The following PREX1 variants were observed in gnomAD, a reference collection of about 807,000 sequenced individuals.
PREX1 encodes the protein phosphatidylinositol-3,4,5-trisphosphate dependent Rac exchange factor 1.
In PREX1, 41 loss-of-function variants were observed where a neutral mutation model predicts 198.3. The ratio of observed to expected loss-of-function variants is 0.21; its 90% confidence interval spans 0.16 to 0.27. The LOEUF (loss-of-function observed/expected upper bound fraction) is 0.27, where lower values mean the gene tolerates loss of function less well. Among genes scored for constraint, PREX1 ranks in the 10% least tolerant of loss-of-function variants. The probability of loss-of-function intolerance (pLI) is 1.00; values close to 1 mark genes in which losing one functional copy is unlikely to be tolerated. For missense variants in PREX1, 1,620 were observed against 2,200.7 expected, an observed-to-expected ratio of 0.74 and a Z score of 5.28; for synonymous variants, 843 against 887.2, an observed-to-expected ratio of 0.95 and a Z score of 0.89.
At chr20:48,642,114 G>A (rs1024669642) in intron 29 of PREX1, 54 bp downstream of exon 29, 1 of 1,568,994 alleles carries the variant, frequency 6.4e-7, no homozygotes, top group Non-Finnish European at 8.8e-7. Context: ...ACGCCGCCCT[G>A]TCTAACACCC....
intron 6 of PREX1, among the ~76,000 whole-genome samples, chr20:48,702,205 C>CT (rs1201171104): frequency 1.2e-5 from 1 of 86,886 alleles, no homozygotes. Context: ...AGGACTCTGT[C>CT]TAAAAAAAAA....
intron 3 of PREX1, among the ~76,000 whole-genome samples, chr20:48,742,423 C>G (rs61479243): frequency 0.012 from 1,835 of 152,228 alleles, 33 homozygotes; most frequent in African/African-American, 0.042. Flanking sequence ...AACTGAGGCA[C>G]AGAGAGGTAA....
rs1272463039 is a variant in PREX1, at chr20:48,641,838, GAGAGGA to G, written c.3775+324_3775+329del. Among the ~76,000 whole-genome samples, 439 of 99,262 alleles carry G rather than the reference GAGAGGA, an allele frequency of 4.4e-3. 2 individuals carry two copies. Among genetic ancestry groups the G allele is most frequent in the East Asian group, 0.018 (62 of 3,466 alleles). The allele number at this position is 99,262 out of a possible 152,430, so 65.1% of individuals were successfully genotyped here. ...AGAAAGAAAGAAAGAGAGAGAGAGA[GAGAGGA>G]AGGAAGGAAGGAAGGAAGGAAGGAA... On this transcript the variant is annotated intron_variant, in intron 29 of 39. Coordinates refer to ENST00000371941, the MANE Select transcript of PREX1 (RefSeq NM_020820.4).
At chr20:48,862,748 C>T in the PREX1 span, among the ~76,000 whole-genome samples, 3 of 131,780 alleles carry the variant, frequency 2.3e-5, no homozygotes, top group Non-Finnish European at 3.2e-5. Context: ...TTTGAAGAGC[C>T]AACTAGTGAA....
At chr20:48,685,204 A>T (rs1445869319) in intron 10 of PREX1, among the ~76,000 whole-genome samples, 1 of 152,218 alleles carries the variant, frequency 6.6e-6, no homozygotes, top group East Asian at 1.9e-4. Context: ...GGTAACACTG[A>T]GTGGGTGAAT....
chr20:48,740,695 G>A (rs1449123368), intron 3 of PREX1, among the ~76,000 whole-genome samples: 1 of 152,170 alleles, frequency 6.6e-6, no homozygotes, highest in East Asian at 1.9e-4. Flanking sequence ...GGCAGGAAGA[G>A]GCGTGATAAT....
chr20:48,638,839 C>T (rs1170143017), intron 30 of PREX1, among the ~76,000 whole-genome samples: 1 of 152,222 alleles, frequency 6.6e-6, no homozygotes, highest in Non-Finnish European at 1.5e-5. Context: ...CCAGAGGCGT[C>T]AAGGAACTCG....
At chr20:48,811,644 G>A (rs57854670) in intron 1 of PREX1, among the ~76,000 whole-genome samples, 3 of 87,946 alleles carry the variant, frequency 3.4e-5, no homozygotes, top group South Asian at 3.5e-4. Flanking sequence ...ACACACACAC[G>A]TACGTGTGCA....
intron 1 of PREX1, among the ~76,000 whole-genome samples, chr20:48,803,197 C>T (rs1046601451): frequency 4.6e-5 from 7 of 152,190 alleles, no homozygotes; most frequent in Non-Finnish European, 8.8e-5. Flanking sequence ...AAAAGGCTCA[C>T]GGCAGGCCCA....
chr20:48,663,309 A>C (rs1278283035), intron 15 of PREX1, among the ~76,000 whole-genome samples: 2 of 152,256 alleles, frequency 1.3e-5, no homozygotes, highest in Non-Finnish European at 2.9e-5. Context: ...TCAGGTCTCC[A>C]GCACGTGGCT....
intron 1 of PREX1, among the ~76,000 whole-genome samples, chr20:48,787,382 A>G (rs1364369377): frequency 6.6e-5 from 10 of 152,296 alleles, no homozygotes; most frequent in Non-Finnish European, 7.4e-5. Context: ...ACAAAAAAAA[A>G]AAAGAAAGAA....
intron 7 of PREX1, among the ~76,000 whole-genome samples, chr20:48,693,145 G>A (rs983916008): frequency 6.6e-6 from 1 of 152,158 alleles, no homozygotes; most frequent in East Asian, 1.9e-4. Context: ...GGAACTTCCT[G>A]AAATACGACC....
rs556664431 is a variant in PREX1, at chr20:48,775,799, C to T, written c.220-27919G>A. On this transcript the variant is annotated intron_variant, in intron 1 of 39. Coordinates refer to ENST00000371941, the MANE Select transcript of PREX1 (RefSeq NM_020820.4). ...TGACTTGCTCCTCCTTGCCTTCCAC[C>T]ACGATTTTAAGGCCTCTCCAGGTGT... is the stretch of plus-strand genomic sequence containing the variant. 4.4e-4 allele frequency among the ~76,000 whole-genome samples: 67 copies of T among 152,300 alleles called. 1 individual carries two copies. The highest frequency in any genetic ancestry group is 1.6e-3 in the African/African-American group (66 of 41,546).
Position 48,691,847 on chromosome 20 carries a change from C to T in PREX1, c.1037-751G>A, listed in dbSNP as rs1000024529. 2.0e-5 allele frequency among the ~76,000 whole-genome samples: 3 copies of T among 152,170 alleles called. No homozygotes were observed. The highest frequency in any genetic ancestry group is 7.2e-5 in the African/African-American group (3 of 41,430). ...CAGAGACATGGATGAACCCCACTAACGTGGTGTTGAGTGAAAGCAGTTTGT... is the reference window on the plus strand; with the variant it reads ...CAGAGACATGGATGAACCCCACTAATGTGGTGTTGAGTGAAAGCAGTTTGT... On this transcript the variant is annotated intron_variant, in intron 8 of 39. Transcript: ENST00000371941. The surrounding 1 kb of genome is among the most constrained non-coding windows in gnomAD (Gnocchi z 5.0).
the PREX1 span, among the ~76,000 whole-genome samples, chr20:48,860,986 A>T: frequency 6.6e-6 from 1 of 152,122 alleles, no homozygotes; most frequent in Admixed American, 6.6e-5. Context: ...ATAAAAGAAA[A>T]AAAATTGTAG....
chr20:48,740,698 G>A (rs1263521750), intron 3 of PREX1, among the ~76,000 whole-genome samples: 1 of 152,172 alleles, frequency 6.6e-6, no homozygotes, highest in Non-Finnish European at 1.5e-5. Flanking sequence ...AGGAAGAGGC[G>A]TGATAATTTT....
At chr20:48,795,042 G>A (rs34000667) in intron 1 of PREX1, among the ~76,000 whole-genome samples, 26,002 of 152,024 alleles carry the variant, frequency 0.17, 2,840 homozygotes, top group Admixed American at 0.24. Flanking sequence ...ATTCTCTTGC[G>A]TCCTTATCCT....
intron 1 of PREX1, among the ~76,000 whole-genome samples, chr20:48,792,269 G>A (rs193215360): frequency 3.0e-4 from 46 of 152,094 alleles, no homozygotes; most frequent in African/African-American, 1.1e-3. Flanking sequence ...TCAGGAGTTC[G>A]AGACCAGCCT....
In PREX1 at chr20:48,808,647, G is replaced by A. The variant is rs141292573; in HGVS notation, c.219+18995C>T. On this transcript the variant is annotated intron_variant, in intron 1 of 39. Transcript: ENST00000371941. ...CAAGGACAACACCACCTCACTCAGC[G>A]ACACCACCTCACTCAGCGTAGAAAG... Among the ~76,000 whole-genome samples, 317 of 152,190 alleles carry A rather than the reference G, an allele frequency of 2.1e-3. 2 individuals are homozygous for A. Among genetic ancestry groups the A allele is most frequent in the African/African-American group, 6.4e-3 (266 of 41,524 alleles).
Sources: allele counts gnomAD v4.1 joint callset (sites outside exome capture counted in the v4.1 genomes callset), GRCh38; gene constraint gnomAD v4.1.1; non-coding constraint Gnocchi (gnomAD v3.1); transcripts MANE v1.5; gene names NCBI Gene and HGNC (gene_info 2026-07-23, HGNC 2026-07-21).